IPPK: variants seen among roughly 807,000 people sequenced by gnomAD.
IPPK encodes inositol-pentakisphosphate 2-kinase.
Under a neutral mutation model 64.6 loss-of-function variants are expected in IPPK, and 22 were observed. The ratio of observed to expected loss-of-function variants is 0.34; its 90% confidence interval spans 0.24 to 0.49. The LOEUF is 0.49. IPPK is among the 20% of genes least tolerant of loss of function. IPPK has a pLI of 0.99. For synonymous variants in IPPK, 262 were observed against 247.2 expected (o/e 1.06, Z -0.56); for missense variants, 532 against 630.7 (o/e 0.84, Z 1.68).
At chr9:92,649,646 G>A in intron 4 of IPPK, 72 bp from the exon 5 acceptor site, 1 of 1,569,390 alleles carries the variant, frequency 6.4e-7, no homozygotes, top group Non-Finnish European at 8.7e-7. Context: ...CCCAAAACAG[G>A]CCCCGCCTTG....
intron 11 of IPPK, chr9:92,619,901 C>A: frequency 2.9e-6 from 1 of 340,008 alleles, no homozygotes. Context: ...AGCAGTAAGC[C>A]ACCTGAGCCC....
rs540182086 is a variant in IPPK, at chr9:92,637,892, C to T, written c.916+109G>A. On this transcript the variant is annotated intron_variant, in intron 9 of 12. Coordinates refer to ENST00000287996, the MANE Select transcript of IPPK (RefSeq NM_022755.6). ...AGCCCTGGCGTAACCAGGTGGCATC[C>T]CCCAGAGCCCCCAGGAGGCTGTGCT... 1.1e-5 allele frequency: 14 copies of T among 1,226,786 alleles called. No homozygotes were observed. In the Admixed American group the frequency reaches 3.9e-4, roughly 34 times the overall value. The allele number at this position is 1,226,786 out of a possible 1,614,324, so 76.0% of individuals were successfully genotyped here.
chr9:92,668,994 A>T (rs1327072535), intron 1 of IPPK, among the ~76,000 whole-genome samples: 1 of 152,216 alleles, frequency 6.6e-6, no homozygotes, highest in Non-Finnish European at 1.5e-5. Context: ...AAGGGATGAC[A>T]ATTATCACTT....
intron 1 of IPPK, among the ~76,000 whole-genome samples, chr9:92,665,443 C>A (rs1266856324): frequency 6.6e-6 from 1 of 152,212 alleles, no homozygotes; most frequent in African/African-American, 2.4e-5. Flanking sequence ...TGTATAAGAT[C>A]TTTATTTACG....
chr9:92,648,590 T>C (rs1852195074), intron 5 of IPPK, among the ~76,000 whole-genome samples: 1 of 152,206 alleles, frequency 6.6e-6, no homozygotes, highest in Non-Finnish European at 1.5e-5. Context: ...GAAGCCCCAG[T>C]GCCCTCTAAA....
At position 92,669,342 on chromosome 9, in the gene IPPK, G is replaced by A. The variant is rs1250094792; in HGVS notation, c.81+566C>T. On this transcript the variant is annotated intron_variant, in intron 1 of 12. Transcript: ENST00000287996. The stretch of plus-strand genomic sequence containing the variant: ...TCACCCTCGTTGAATTCAGGTGAAA[G>A]CCTTCAAATTCTAAAAGGTTGAGAA... Among the ~76,000 whole-genome samples the A allele has an allele frequency of 6.6e-5, 10 of 152,228 alleles. No individual in the cohort carries two copies. The East Asian group carries it at 1.9e-3, about 29-fold the overall frequency.
intron 4 of IPPK, among the ~76,000 whole-genome samples, chr9:92,652,322 G>A (rs772052248): frequency 3.3e-5 from 5 of 151,834 alleles, no homozygotes; most frequent in Admixed American, 1.3e-4. Flanking sequence ...GGTGGTAGGC[G>A]CCTGTAGTCC....
intron 1 of IPPK, among the ~76,000 whole-genome samples, chr9:92,667,705 G>A (rs1242756519): frequency 1.3e-5 from 2 of 151,048 alleles, no homozygotes; most frequent in African/African-American, 4.9e-5. Context: ...GGTCATTTGA[G>A]GTCAGGAGTT....
intron 11 of IPPK, among the ~76,000 whole-genome samples, chr9:92,629,900 A>C (rs1466996651): frequency 6.6e-6 from 1 of 152,212 alleles, no homozygotes; most frequent in Non-Finnish European, 1.5e-5. Flanking sequence ...GTGTTGCTGA[A>C]GATGGGAAAA....
intron 7 of IPPK, among the ~76,000 whole-genome samples, chr9:92,642,016 G>A (rs1255402082): frequency 2.0e-5 from 3 of 152,228 alleles, no homozygotes; most frequent in African/African-American, 7.2e-5. Context: ...TGAGGTGGGG[G>A]TGCCTGAGTT....
intron 1 of IPPK, 83 bp downstream of exon 1, chr9:92,669,825 G>A (rs1255090614): frequency 1.9e-6 from 2 of 1,060,530 alleles, no homozygotes; most frequent in African/African-American, 1.6e-5. Flanking sequence ...AACCGACCCT[G>A]TTGAGGAAAC....
At position 92,615,934 on chromosome 9, in the gene IPPK, G is replaced by T. The variant is rs371257807; in HGVS notation, c.1374C>A (p.Ile458=). 18 of 1,613,954 alleles carry T rather than the reference G, an allele frequency of 1.1e-5. No homozygotes were observed. Among genetic ancestry groups the T allele is most frequent in the Non-Finnish European group, 1.4e-5 (17 of 1,179,972 alleles). ...GTACAGTCTTTGAATAATAGTTGAC[G>T]ATCTTGCCGTCCAGTTTATACTGAT... ...IPHQYKLDGK[I]VNYYSKTVRA... The change falls in exon 13 of 13, where the codon ATC becomes ATA. Residue 458 remains isoleucine, a synonymous_variant. Transcript: ENST00000287996.
chr9:92,621,018 G>C (rs1196284051), intron 11 of IPPK, among the ~76,000 whole-genome samples: 2 of 152,216 alleles, frequency 1.3e-5, no homozygotes, highest in Admixed American at 1.3e-4. Flanking sequence ...TATCTGGCGA[G>C]AGCCGACTTC....
intron 9 of IPPK, 140 bp downstream of exon 9, chr9:92,637,861 G>A (rs2131437162): frequency 2.3e-6 from 2 of 863,064 alleles, no homozygotes; most frequent in Admixed American, 3.1e-5. Context: ...GAGGCCCCGT[G>A]CTGGGAGCCC....
At chr9:92,667,641 G>C (rs1305194744) in intron 1 of IPPK, among the ~76,000 whole-genome samples, 1 of 152,224 alleles carries the variant, frequency 6.6e-6, no homozygotes, top group African/African-American at 2.4e-5. Context: ...AAATGAGGCT[G>C]AGTACAGTGG....
intron 3 of IPPK, among the ~76,000 whole-genome samples, chr9:92,655,314 T>A (rs1276822897): frequency 6.6e-6 from 1 of 152,216 alleles, no homozygotes; most frequent in African/African-American, 2.4e-5. Flanking sequence ...CTGCACCTAC[T>A]TTCCCACTGC....
intron 6 of IPPK, among the ~76,000 whole-genome samples, chr9:92,644,413 G>A (rs981446984): frequency 6.6e-6 from 1 of 152,134 alleles, no homozygotes; most frequent in African/African-American, 2.4e-5. Context: ...AGCCACAGAG[G>A]ACGCAGATGA....
chr9:92,639,200 C>T (rs1852001734), intron 8 of IPPK, among the ~76,000 whole-genome samples: 3 of 152,100 alleles, frequency 2.0e-5, no homozygotes, highest in African/African-American at 7.2e-5. Context: ...AGGCGCACAC[C>T]ACCACACCCA....
intron 11 of IPPK, among the ~76,000 whole-genome samples, chr9:92,627,734 TAAC>T (rs1851759131): frequency 6.6e-6 from 1 of 152,104 alleles, no homozygotes; most frequent in African/African-American, 2.4e-5. Context: ...AAAAAACAAC[TAAC>T]ATCATACATG....
Sources: gnomAD v4.1 joint callset for allele counts (sites outside exome capture counted in the v4.1 genomes callset) on GRCh38, gnomAD v4.1.1 for gene constraint, MANE v1.5 for transcripts, NCBI Gene and HGNC (gene_info 2026-07-23, HGNC 2026-07-21) for gene names.